NPSR1: variants seen among roughly 807,000 people sequenced by gnomAD.
NPSR1 encodes neuropeptide S receptor 1.
A neutral mutation model predicts 46.9 loss-of-function variants in NPSR1; 48 were observed. The observed-to-expected ratio is 1.02, with a 90% CI of 0.81 to 1.30. The LOEUF is 1.30. Among genes scored for constraint, NPSR1 ranks in the 50% most tolerant of loss-of-function variants. The pLI, the probability that NPSR1 is intolerant of heterozygous loss-of-function variation, is 0.00. For synonymous variants in NPSR1, 176 were observed against 168.1 expected, an observed-to-expected ratio of 1.05 and a Z score of -0.36; for missense variants, 450 against 449.5, an observed-to-expected ratio of 1.00 and a Z score of -0.01.
chr7:34,749,907 T>A (rs1294609792), intron 2 of NPSR1, among the ~76,000 whole-genome samples: 4 of 152,178 alleles, frequency 2.6e-5, no homozygotes, highest in Admixed American at 2.6e-4. Context: ...TCCAATATTG[T>A]TCCTGGACCA....
At chr7:34,790,504 C>G (rs1452263629) in intron 3 of NPSR1, among the ~76,000 whole-genome samples, 1 of 151,220 alleles carries the variant, frequency 6.6e-6, no homozygotes, top group Non-Finnish European at 1.5e-5. Context: ...CAACATAGTA[C>G]TGGAAGTTCT....
At chr7:34,725,753 G>A (rs1260974229) in intron 2 of NPSR1, among the ~76,000 whole-genome samples, 1 of 152,178 alleles carries the variant, frequency 6.6e-6, no homozygotes, top group Non-Finnish European at 1.5e-5. Flanking sequence ...ACAGACATCG[G>A]ATAAAGGACT....
At chr7:34,722,102 T>C (rs1026709736) in intron 2 of NPSR1, among the ~76,000 whole-genome samples, 4 of 152,004 alleles carry the variant, frequency 2.6e-5, no homozygotes, top group African/African-American at 9.7e-5. Context: ...ACGGTTTCAT[T>C]AGTAAAAAAA....
intron 2 of NPSR1, among the ~76,000 whole-genome samples, chr7:34,766,587 T>C (rs897284282): frequency 6.6e-6 from 1 of 152,154 alleles, no homozygotes; most frequent in African/African-American, 2.4e-5. Context: ...ATTTTTTTTT[T>C]TTTGAGATGG....
At chr7:34,813,777 G>C (rs1156944543) in intron 4 of NPSR1, among the ~76,000 whole-genome samples, 3 of 152,202 alleles carry the variant, frequency 2.0e-5, no homozygotes, top group Non-Finnish European at 4.4e-5. Context: ...ACCACCACAG[G>C]AACTTATATG....
intron 2 of NPSR1, among the ~76,000 whole-genome samples, chr7:34,731,104 A>G (rs1784396150): frequency 6.6e-6 from 1 of 152,224 alleles, no homozygotes; most frequent in Non-Finnish European, 1.5e-5. Flanking sequence ...TAAAATTTAC[A>G]AAATTTAAAT....
At chr7:34,851,857 G>C (rs552072760), downstream of NPSR1, among the ~76,000 whole-genome samples, 16 of 152,294 alleles carry the variant, frequency 1.1e-4, no homozygotes, top group South Asian at 4.1e-4. Flanking sequence ...TTCCCGAGAA[G>C]ACTGGAGATC....
chr7:34,866,837 C>A (rs1232538007), intron 8 of NPSR1, among the ~76,000 whole-genome samples: 1 of 151,728 alleles, frequency 6.6e-6, no homozygotes, highest in Non-Finnish European at 1.5e-5. Context: ...AAGTTTCCTG[C>A]AGCAAAACCC....
intron 1 of NPSR1, among the ~76,000 whole-genome samples, chr7:34,658,960 A>C (rs1011423733): frequency 4.6e-5 from 7 of 152,220 alleles, no homozygotes; most frequent in African/African-American, 1.7e-4. Context: ...GAAAGCTCAC[A>C]ATCCCCAGGA....
chr7:34,701,726 C>T (rs1335377921), intron 2 of NPSR1, among the ~76,000 whole-genome samples: 2 of 152,140 alleles, frequency 1.3e-5, no homozygotes, highest in African/African-American at 4.8e-5. Context: ...AATTCAGAGA[C>T]ATTATATCTG....
intron 2 of NPSR1, among the ~76,000 whole-genome samples, chr7:34,764,567 C>T (rs922386144): frequency 6.6e-6 from 1 of 152,182 alleles, no homozygotes; most frequent in Non-Finnish European, 1.5e-5. Flanking sequence ...ACCACACCTA[C>T]AGGAAAGGTA....
intron 8 of NPSR1, among the ~76,000 whole-genome samples, chr7:34,875,781 G>A (rs1278043835): frequency 1.3e-5 from 2 of 152,122 alleles, no homozygotes; most frequent in Non-Finnish European, 2.9e-5. Flanking sequence ...ATTTGGGAAA[G>A]AAGCACAATG....
chr7:34,658,665 ATTTTC>A (rs1038462642), intron 1 of NPSR1, 106 bp downstream of exon 1: 1 of 1,143,234 alleles, frequency 8.7e-7, no homozygotes, highest in African/African-American at 1.6e-5. Flanking sequence ...AATGAGTGTT[ATTTTC>A]TTTACTAAAA....
intron 4 of NPSR1, among the ~76,000 whole-genome samples, chr7:34,812,105 A>G (rs1469684520): frequency 1.3e-5 from 2 of 152,142 alleles, no homozygotes; most frequent in African/African-American, 2.4e-5. Context: ...GACAGCCCAG[A>G]GCCACTAAGG....
chr7:34,660,029 A>AT, intron 1 of NPSR1: 1 of 443,906 alleles, frequency 2.3e-6, no homozygotes, highest in South Asian at 1.6e-5. Flanking sequence ...CTCATTTGCC[A>AT]TTTTTTGAAT....
chr7:34,666,477 T>C (rs1319789137), intron 1 of NPSR1, among the ~76,000 whole-genome samples: 1 of 152,214 alleles, frequency 6.6e-6, no homozygotes, highest in Non-Finnish European at 1.5e-5. Flanking sequence ...AAGATATTGC[T>C]GGCATTCTGA....
intron 2 of NPSR1, among the ~76,000 whole-genome samples, chr7:34,767,107 G>A (rs1786472880): frequency 6.6e-6 from 1 of 152,244 alleles, no homozygotes; most frequent in East Asian, 1.9e-4. Context: ...ATGTATGTGA[G>A]ATTAAATTTC....
Position 34,839,961 on chromosome 7 carries a change from G to A in NPSR1, c.758-4935G>A, listed in dbSNP as rs1320871494. 4.6e-5 allele frequency among the ~76,000 whole-genome samples: 7 copies of A among 152,096 alleles called. No individual in the cohort carries two copies. The East Asian group carries it at 1.4e-3, about 29-fold the overall frequency. On this transcript the variant is annotated intron_variant, in intron 6 of 8. Transcript: ENST00000360581. Reference sequence around the variant, plus strand: ...AATTGTAGTCTAGTTGTGTGCCCTGGGGAAACAGGAATGGGTTTTGTGAAC... The same window carrying A: ...AATTGTAGTCTAGTTGTGTGCCCTGAGGAAACAGGAATGGGTTTTGTGAAC...
intron 1 of NPSR1, among the ~76,000 whole-genome samples, chr7:34,682,911 A>G (rs980696939): frequency 6.6e-6 from 1 of 152,132 alleles, no homozygotes; most frequent in Non-Finnish European, 1.5e-5. Flanking sequence ...GGGAAGTGAC[A>G]TATGTATGCT....
Sources: allele counts gnomAD v4.1 joint callset (sites outside exome capture counted in the v4.1 genomes callset), GRCh38; gene constraint gnomAD v4.1.1; transcripts MANE v1.5; gene names NCBI Gene and HGNC (gene_info 2026-07-23, HGNC 2026-07-21).